Variants in UVSSA observed in about 807,000 individuals in gnomAD.
UVSSA encodes UV-stimulated scaffold protein A.
In UVSSA, 72 loss-of-function variants were observed where a neutral mutation model predicts 73.9. The observed-to-expected ratio is 0.97, with a 90% confidence interval of 0.81 to 1.19. UVSSA has a LOEUF of 1.19. Among genes scored for constraint, UVSSA ranks in the 50% most tolerant of loss-of-function variants. UVSSA has a pLI of 0.00. For missense variants in UVSSA, 1,150 were observed against 965.0 expected (o/e 1.19, Z -2.54); for synonymous variants, 454 against 391.3 (o/e 1.16, Z -1.89).
chr4:1,380,252 G>A (rs748247950), intron 11 of UVSSA, 22 bp downstream of exon 11: 17 of 1,601,102 alleles, frequency 1.1e-5, no homozygotes, highest in South Asian at 4.4e-5. Context: ...GCCCGAGGGC[G>A]GGGGTGGGTG....
chr4:1,382,301 A>C (rs1172480274), intron 12 of UVSSA, among the ~76,000 whole-genome samples: 1 of 152,216 alleles, frequency 6.6e-6, no homozygotes, highest in Non-Finnish European at 1.5e-5. Flanking sequence ...GTGACTTGTT[A>C]ACAAACAGGT....
chr4:1,380,342 T>C, intron 11 of UVSSA, 112 bp downstream of exon 11: 1 of 1,331,242 alleles, frequency 7.5e-7, no homozygotes, highest in Non-Finnish European at 1.0e-6. Context: ...TTGTGAGCAC[T>C]GAGAAGCCCA....
At chr4:1,347,848 A>G (rs1274555177) in intron 1 of UVSSA, 88 bp downstream of exon 1, 4 of 485,426 alleles carry the variant, frequency 8.2e-6, no homozygotes, top group Non-Finnish European at 1.5e-5. Flanking sequence ...CCCTCAATGC[A>G]GCGTCCCACA....
Position 1,386,201 on chromosome 4 carries a change from A to G in UVSSA, c.*240A>G. The stretch of plus-strand genomic sequence containing the variant: ...CCCTCGGGCCTGGAGATGTGAACAC[A>G]GGCAGCGACCCTGTTCCAGAGGGCT... On this transcript the variant is annotated 3_prime_UTR_variant, in exon 14 of 14. Transcript: ENST00000389851. The G allele has an allele frequency of 4.0e-6, 2 of 497,668 alleles. No individual in the cohort carries two copies. The highest frequency in any genetic ancestry group is 2.1e-5 in the South Asian group (1 of 47,136). The allele number at this position is 497,668 out of a possible 1,614,324, so 30.8% of individuals were successfully genotyped here. A position where few individuals can be genotyped will look rare whatever the true frequency, so the allele number is the denominator to read the frequency against.
chr4:1,382,778 G>A lies in UVSSA; in HGVS notation c.1862-988G>A, dbSNP rs1445335499. Among the ~76,000 whole-genome samples the A allele has an allele frequency of 2.0e-5, 3 of 152,232 alleles. No individual in the cohort carries two copies. In the East Asian group the frequency reaches 5.8e-4, roughly 29 times the overall value. On this transcript the variant is annotated intron_variant, in intron 12 of 13. Coordinates refer to ENST00000389851, the MANE Select transcript of UVSSA (RefSeq NM_020894.4). ...GGCCTGGCCATCCGTCCGAGATGTG[G>A]GCATTCCTCCGGGGATGTGCCCCCG...
rs545522632 is a variant in UVSSA, at chr4:1,385,717, GTC to G, written c.2037-147_2037-146del. 7.2e-4 allele frequency: 542 copies of G among 755,348 alleles called. 2 individuals carry two copies. In the African/African-American group the frequency reaches 8.5e-3, roughly 12 times the overall value. The allele number at this position is 755,348 out of a possible 1,614,324, so 46.8% of individuals were successfully genotyped here. A position where few individuals can be genotyped will look rare whatever the true frequency, so the allele number is the denominator to read the frequency against. The stretch of plus-strand genomic sequence containing the variant: ...GGGCCAAGGGGCCCGTCGCCCATCT[GTC>G]TCTGAAGGTGGCACCCACAGGCAGT... On this transcript the variant is annotated intron_variant, in intron 13 of 13. Coordinates refer to ENST00000389851, the MANE Select transcript of UVSSA (RefSeq NM_020894.4).
At position 1,395,781 on chromosome 4, in the gene UVSSA, CATG is replaced by C. The variant is rs754684035; in HGVS notation, c.*9821_*9823del. ...AGACGCTGTTACCGTACATTCTACTCATGGTGGCTTTTTAATACGTTTTTATGT... is the reference window on the plus strand; with the variant it reads ...AGACGCTGTTACCGTACATTCTACTCGTGGCTTTTTAATACGTTTTTATGT... On this transcript the variant is annotated 3_prime_UTR_variant, in exon 14 of 14. Transcript: ENST00000511216. The C allele has an allele frequency of 1.4e-5, 23 of 1,614,094 alleles. No homozygotes were observed. The Admixed American group carries it at 2.3e-4, about 16-fold the overall frequency.
At chr4:1,369,940 G>A (rs1425905778) in intron 8 of UVSSA, among the ~76,000 whole-genome samples, 2 of 152,260 alleles carry the variant, frequency 1.3e-5, no homozygotes, top group South Asian at 2.1e-4. Context: ...CTTGTTTTCC[G>A]GGAGTCGTTA....
In UVSSA at chr4:1,348,206, A is replaced by G. The variant is rs1714026153; in HGVS notation, c.98+17A>G. On this transcript the variant is annotated intron_variant, in intron 2 of 13. Coordinates refer to ENST00000389851, the MANE Select transcript of UVSSA (RefSeq NM_020894.4). ...AATTTGCAAGTATGTCTTAGGGTTC[A>G]GTAACAGTAACTGACTGGCCCACTG... 1.3e-6 allele frequency: 2 copies of G among 1,585,536 alleles called. No homozygotes were observed. The highest frequency in any genetic ancestry group is 1.7e-6 in the Non-Finnish European group (2 of 1,155,266).
At chr4:1,390,928 G>T (rs188169301), downstream of UVSSA, 4 of 153,010 alleles carry the variant, frequency 2.6e-5, no homozygotes, top group Non-Finnish European at 5.8e-5. Flanking sequence ...TGATTGGTTT[G>T]TAGTGTTGTA....
chr4:1,360,327 A>G (rs1032045901), intron 7 of UVSSA, among the ~76,000 whole-genome samples: 5 of 152,096 alleles, frequency 3.3e-5, no homozygotes, highest in African/African-American at 1.2e-4. Flanking sequence ...GTCCCTCAGT[A>G]CCTGTCTGCA....
chr4:1,377,896 T>C (rs1018559714), intron 10 of UVSSA, among the ~76,000 whole-genome samples: 4 of 152,216 alleles, frequency 2.6e-5, no homozygotes, highest in Non-Finnish European at 5.9e-5. Context: ...CGGCCCGGGC[T>C]GGGGAAGGGC....
chr4:1,346,936 A>G (rs995460474), upstream of UVSSA, among the ~76,000 whole-genome samples: 3 of 152,184 alleles, frequency 2.0e-5, no homozygotes, highest in East Asian at 5.8e-4. Flanking sequence ...GAGCGCGCCT[A>G]CGTCACCGCG....
chr4:1,370,876 G>A (rs1171514436), intron 8 of UVSSA, among the ~76,000 whole-genome samples: 3 of 152,216 alleles, frequency 2.0e-5, no homozygotes, highest in Non-Finnish European at 2.9e-5. Context: ...ACTCAGGGAC[G>A]GGGTCGGTGG....
chr4:1,391,021 C>G (rs1577394985), downstream of UVSSA: 1 of 149,926 alleles, frequency 6.7e-6, no homozygotes, highest in Non-Finnish European at 1.5e-5. Context: ...TGCATAGAAG[C>G]CTGTTGGGTC....
chr4:1,357,485 T>A (rs1715954108), intron 7 of UVSSA, among the ~76,000 whole-genome samples: 1 of 152,196 alleles, frequency 6.6e-6, no homozygotes, highest in Non-Finnish European at 1.5e-5. Context: ...CTGGTGGAAG[T>A]GAATCTGGGC....
At chr4:1,342,695 T>A (rs1713472400), upstream of UVSSA, among the ~76,000 whole-genome samples, 1 of 152,224 alleles carries the variant, frequency 6.6e-6, no homozygotes, top group South Asian at 2.1e-4. Context: ...TTCCCCACCA[T>A]CCCATATGTT....
At chr4:1,381,038 T>A in intron 12 of UVSSA, 50 bp downstream of exon 12, 1 of 1,551,068 alleles carries the variant, frequency 6.4e-7, no homozygotes, top group Non-Finnish European at 8.8e-7. Context: ...TGGGACTCAC[T>A]GCCACTAGTG....
intron 7 of UVSSA, among the ~76,000 whole-genome samples, chr4:1,355,917 C>T (rs1298770316): frequency 6.6e-6 from 1 of 152,088 alleles, no homozygotes; most frequent in African/African-American, 2.4e-5. Flanking sequence ...GTGCCAGGGA[C>T]CTTGAACTGG....
Sources: allele counts gnomAD v4.1 joint callset (sites outside exome capture counted in the v4.1 genomes callset), GRCh38; gene constraint gnomAD v4.1.1; transcripts MANE v1.5; gene names NCBI Gene and HGNC (gene_info 2026-07-23, HGNC 2026-07-21).